NOL4: variants seen among roughly 807,000 people sequenced by gnomAD.
NOL4 encodes the protein cancer/testis antigen 125.
NOL4 carries 17 observed loss-of-function variants against 75.9 expected under a neutral mutation model. The observed-to-expected ratio is 0.22, with a 90% confidence interval of 0.15 to 0.34. The LOEUF (loss-of-function observed/expected upper bound fraction) is 0.34. NOL4 is among the 10% of genes least tolerant of loss of function. The probability of loss-of-function intolerance (pLI) is 1.00; values close to 1 mark genes in which losing one functional copy is unlikely to be tolerated. For missense variants in NOL4, 614 were observed against 793.5 expected, an observed-to-expected ratio of 0.77 and a Z score of 2.72; for synonymous variants, 292 against 289.9, an observed-to-expected ratio of 1.01 and a Z score of -0.07.
At chr18:34,138,890 C>T (rs999156416) in intron 1 of NOL4, among the ~76,000 whole-genome samples, 9 of 152,176 alleles carry the variant, frequency 5.9e-5, no homozygotes, top group Middle Eastern at 3.4e-3. Context: ...GCATGAAGGG[C>T]TGTTGAATTT....
At chr18:34,069,174 A>G (rs1231766143) in intron 5 of NOL4, among the ~76,000 whole-genome samples, 1 of 152,204 alleles carries the variant, frequency 6.6e-6, no homozygotes, top group Non-Finnish European at 1.5e-5. Flanking sequence ...ATAATGGGAT[A>G]TTTAGTTGGA....
At chr18:34,091,538 A>C (rs1221338820) in intron 5 of NOL4, among the ~76,000 whole-genome samples, 1 of 152,060 alleles carries the variant, frequency 6.6e-6, no homozygotes, top group Non-Finnish European at 1.5e-5. Flanking sequence ...TGGCACCTAG[A>C]TCTTGGACTC....
chr18:34,041,122 G>A (rs964508065), intron 5 of NOL4, among the ~76,000 whole-genome samples: 4 of 152,054 alleles, frequency 2.6e-5, no homozygotes, highest in African/African-American at 9.6e-5. Flanking sequence ...TTTAAAATAA[G>A]AGAGTTACTA....
chr18:34,188,488 C>T (rs1568432650), intron 1 of NOL4, among the ~76,000 whole-genome samples: 8 of 152,168 alleles, frequency 5.3e-5, no homozygotes, highest in Non-Finnish European at 1.5e-5. Context: ...GTACACCTAA[C>T]CTACTGAACA....
At chr18:34,207,921 T>C (rs1486057353) in intron 1 of NOL4, among the ~76,000 whole-genome samples, 5 of 152,140 alleles carry the variant, frequency 3.3e-5, no homozygotes, top group African/African-American at 9.7e-5. Flanking sequence ...TGCAGCTCCA[T>C]GAGCAGGGCT....
At chr18:33,925,226 G>T (rs2067256128) in intron 9 of NOL4, among the ~76,000 whole-genome samples, 1 of 152,142 alleles carries the variant, frequency 6.6e-6, no homozygotes, top group Admixed American at 6.5e-5. Context: ...ATGATACTTT[G>T]ATAACTGAAT....
At chr18:34,105,205 G>T in intron 2 of NOL4, 45 bp from the exon 3 acceptor site, 1 of 1,211,906 alleles carries the variant, frequency 8.3e-7, no homozygotes, top group Non-Finnish European at 1.2e-6. Context: ...TAAGCTCACT[G>T]AGCATGATTT....
At chr18:34,100,195 T>A (rs1209143002) in intron 4 of NOL4, among the ~76,000 whole-genome samples, 1 of 152,144 alleles carries the variant, frequency 6.6e-6, no homozygotes, top group African/African-American at 2.4e-5. Flanking sequence ...AAATCCTACC[T>A]ATTAATGCCA....
intron 8 of NOL4, among the ~76,000 whole-genome samples, chr18:33,944,835 T>C (rs2068729328): frequency 6.6e-6 from 1 of 151,906 alleles, no homozygotes; most frequent in East Asian, 1.9e-4. Flanking sequence ...TTTCATTCTC[T>C]ACTTCACTAA....
chr18:34,141,971 C>T (rs1277909700), intron 1 of NOL4, among the ~76,000 whole-genome samples: 1 of 151,848 alleles, frequency 6.6e-6, no homozygotes, highest in East Asian at 1.9e-4. Flanking sequence ...ACAAAGAACT[C>T]AAACAAATTT....
chr18:33,887,460 G>A (rs962976520), intron 9 of NOL4, among the ~76,000 whole-genome samples: 3 of 150,410 alleles, frequency 2.0e-5, no homozygotes, highest in African/African-American at 7.3e-5. Context: ...TAGGGTACAT[G>A]TGCACAATGT....
chr18:33,953,244 T>TTTTTTTTTTTTTTTTTTTG (rs1555671903), intron 8 of NOL4, among the ~76,000 whole-genome samples: 4 of 149,430 alleles, frequency 2.7e-5, no homozygotes, highest in African/African-American at 9.8e-5. Context: ...AGGATATTTT[T>TTTTTTTTTTTTTTTTTTTG]AAACTGCAAA....
At chr18:33,912,507 C>T (rs889121855) in intron 9 of NOL4, among the ~76,000 whole-genome samples, 1 of 151,920 alleles carries the variant, frequency 6.6e-6, no homozygotes, top group Admixed American at 6.6e-5. Flanking sequence ...TGGTAAACTC[C>T]ATCTGAAAAC....
At chr18:33,996,456 A>G (rs751081610) in intron 6 of NOL4, among the ~76,000 whole-genome samples, 27 of 151,818 alleles carry the variant, frequency 1.8e-4, no homozygotes, top group Non-Finnish European at 1.3e-4. Flanking sequence ...CAGGGATTAC[A>G]TATGCAGGTT....
At chr18:33,966,898 T>C (rs1439277518) in intron 6 of NOL4, among the ~76,000 whole-genome samples, 4 of 152,160 alleles carry the variant, frequency 2.6e-5, no homozygotes, top group Non-Finnish European at 5.9e-5. Context: ...AAAATGACCA[T>C]AATTCCCCAA....
At chr18:34,219,385 C>T (rs1174557800) in intron 1 of NOL4, among the ~76,000 whole-genome samples, 3 of 152,192 alleles carry the variant, frequency 2.0e-5, no homozygotes, top group African/African-American at 7.2e-5. Context: ...TTATACAATG[C>T]AGAGGACTTT....
At chr18:33,920,013 G>C (rs573503449) in intron 9 of NOL4, among the ~76,000 whole-genome samples, 1 of 152,076 alleles carries the variant, frequency 6.6e-6, no homozygotes, top group East Asian at 1.9e-4. Context: ...TGTACCTATT[G>C]GTTCATGTTT....
At chr18:34,177,097 A>C (rs377205673) in intron 1 of NOL4, among the ~76,000 whole-genome samples, 20 of 152,190 alleles carry the variant, frequency 1.3e-4, no homozygotes, top group African/African-American at 4.8e-4. Context: ...CTACTGGCAT[A>C]CTAGTAGGCA....
intron 9 of NOL4, among the ~76,000 whole-genome samples, chr18:33,919,470 C>T (rs2066909144): frequency 6.6e-6 from 1 of 152,176 alleles, no homozygotes. Flanking sequence ...TTCAGAAACG[C>T]TGCCTTCAGT....
Sources: allele counts gnomAD v4.1 joint callset (sites outside exome capture counted in the v4.1 genomes callset), GRCh38; gene constraint gnomAD v4.1.1; transcripts MANE v1.5; gene names NCBI Gene and HGNC (gene_info 2026-07-23, HGNC 2026-07-21).